Variants in RBL2 observed in about 807,000 individuals in gnomAD.
RBL2 encodes the protein retinoblastoma-like protein 2.
Under a neutral mutation model 126.0 loss-of-function variants are expected in RBL2, and 56 were observed. The ratio of observed to expected loss-of-function variants is 0.44; its 90% CI spans 0.36 to 0.56. RBL2 has a LOEUF of 0.56. RBL2 is among the 20% of genes least tolerant of loss of function. RBL2 has a pLI of 0.00. For missense variants in RBL2, 1,229 were observed against 1,398.2 expected (o/e 0.88, Z 1.93); for synonymous variants, 454 against 478.5 (o/e 0.95, Z 0.67).
At position 53,484,519 on chromosome 16, in the gene RBL2, G is replaced by C. The variant is rs1046617641; in HGVS notation, c.3249+2684G>C. On this transcript the variant is annotated intron_variant, in intron 21 of 21. Coordinates refer to ENST00000262133, the MANE Select transcript of RBL2 (RefSeq NM_005611.4). ...TTTACTTGGCAATAAAAAGGATGAA[G>C]TACTGATACATGCTACAATATGAAT... Among the ~76,000 whole-genome samples, 14 of 152,280 alleles carry C rather than the reference G, an allele frequency of 9.2e-5. 1 individual carries two copies. The highest frequency in any genetic ancestry group is 6.2e-4 in the South Asian group (3 of 4,824).
chr16:53,479,673 G>T, intron 18 of RBL2: 1 of 514,100 alleles, frequency 1.9e-6, no homozygotes, highest in East Asian at 3.3e-5. Context: ...CTGCAGTGTA[G>T]TACTGCAGGT....
intron 21 of RBL2, among the ~76,000 whole-genome samples, chr16:53,485,715 G>A (rs1298487520): frequency 2.0e-5 from 3 of 152,022 alleles, no homozygotes; most frequent in East Asian, 3.9e-4. Flanking sequence ...ATTTAACTGG[G>A]TGTGGTGCTG....
At chr16:53,463,746 T>C (rs985656408) in intron 11 of RBL2, among the ~76,000 whole-genome samples, 8 of 151,516 alleles carry the variant, frequency 5.3e-5, no homozygotes, top group African/African-American at 1.9e-4. Flanking sequence ...TTTCTATTTT[T>C]AGTAGAGATG....
chr16:53,481,154 G>C (rs546530621), intron 20 of RBL2: 1 of 176,574 alleles, frequency 5.7e-6, no homozygotes, highest in East Asian at 1.7e-4. Context: ...ACAAGACTCT[G>C]TCTCATAAAT....
At chr16:53,476,556 C>T (rs569333458) in intron 17 of RBL2, among the ~76,000 whole-genome samples, 2 of 152,308 alleles carry the variant, frequency 1.3e-5, no homozygotes, top group Non-Finnish European at 1.5e-5. Context: ...CTGCCTAGAT[C>T]ATCTCTCCAT....
chr16:53,435,741 C>G, intron 1 of RBL2: 2 of 1,287,062 alleles, frequency 1.6e-6, no homozygotes, highest in Non-Finnish European at 2.0e-6. Flanking sequence ...AAAGCCTAAC[C>G]AAGGTATTAT....
intron 14 of RBL2, among the ~76,000 whole-genome samples, chr16:53,467,796 A>G (rs183003418): frequency 5.9e-5 from 9 of 152,360 alleles, no homozygotes; most frequent in Admixed American, 2.0e-4. Context: ...TTGTTGGGTG[A>G]TAGAATTCCT....
In RBL2 at chr16:53,465,541, C is replaced by T. The variant is rs754740684; in HGVS notation, c.1802C>T (p.Pro601Leu). 6.2e-7 allele frequency: 1 copy of T among 1,605,218 alleles called. No homozygotes were observed. The highest frequency in any genetic ancestry group is 1.1e-5 in the South Asian group (1 of 89,322). The change falls in exon 13 of 22, where the codon CCA (proline) becomes CTA (leucine). Residue 601 changes from proline to leucine, a missense_variant. Pro to Leu is a moderately conservative substitution (Grantham distance 98). Coordinates refer to ENST00000262133, the MANE Select transcript of RBL2 (RefSeq NM_005611.4). The part of the protein sequence containing the change: ...EQILDHLAWK[P>L]ESPLWEKIRD... ...ATCTTAGATCATTTGGCATGGAAACCAGAGTCTCCACTCTGGGAAAAAATT... is the reference window on the plus strand; with the variant it reads ...ATCTTAGATCATTTGGCATGGAAACTAGAGTCTCCACTCTGGGAAAAAATT...
At chr16:53,461,608 A>C in intron 9 of RBL2, 133 bp from the exon 10 acceptor site, 1 of 498,692 alleles carries the variant, frequency 2.0e-6, no homozygotes, top group South Asian at 4.3e-5. Flanking sequence ...GATCTCTTGG[A>C]TTAATTTGGG....
rs368471114 is a variant in RBL2 at position 53,470,773 on chromosome 16, C to T, written c.2554C>T (p.Arg852Trp). 21 of 1,613,988 alleles carry T rather than the reference C, an allele frequency of 1.3e-5. No homozygotes were observed. The highest frequency in any genetic ancestry group is 8.0e-5 in the African/African-American group (6 of 74,922). Residue 852 changes from arginine to tryptophan, a missense_variant, in exon 17 of 22, where the codon CGG becomes TGG. By Grantham distance (101) the Arg-to-Trp change is moderately radical (BLOSUM62 -3). Transcript: ENST00000262133. Reference protein sequence around the residue: ...KVYHLAAVRLRDLCAKLDISD... With the variant: ...KVYHLAAVRLWDLCAKLDISD... ...ATACCATTTAGCAGCTGTCCGCCTT[C>T]GGGATCTCTGTGCCAAACTAGATAT...
intron 12 of RBL2, 114 bp downstream of exon 12, chr16:53,464,477 T>C: frequency 1.1e-6 from 1 of 913,794 alleles, no homozygotes; most frequent in Non-Finnish European, 1.6e-6. Flanking sequence ...TTTATTTACA[T>C]AGTTAATCTC....
At position 53,490,686 on chromosome 16, in the gene RBL2, C is replaced by G. The variant is rs756213237; in HGVS notation, c.*386C>G. 8.6e-5 allele frequency: 14 copies of G among 162,552 alleles called. No individual in the cohort carries two copies. The highest frequency in any genetic ancestry group is 1.7e-4 in the Non-Finnish European group (13 of 75,146). 10.1% of individuals were successfully genotyped at this position (162,552 alleles called of 1,614,324 possible). Reference sequence around the variant, plus strand: ...AGTTCAATCCTACCTGTTTTGTGGTCAGCTGTAGTCCTCATAAAAAGCAAA... The same window carrying G: ...AGTTCAATCCTACCTGTTTTGTGGTGAGCTGTAGTCCTCATAAAAAGCAAA... On this transcript the variant is annotated 3_prime_UTR_variant, in exon 22 of 22. Coordinates refer to ENST00000262133, the MANE Select transcript of RBL2 (RefSeq NM_005611.4).
chr16:53,472,835 C>T (rs375393482), intron 17 of RBL2, among the ~76,000 whole-genome samples: 1 of 152,086 alleles, frequency 6.6e-6, no homozygotes, highest in African/African-American at 2.4e-5. Flanking sequence ...ATAGTTTTAT[C>T]TCATAGTTAG....
In RBL2 at chr16:53,462,617, G is replaced by A. The variant is rs1284246069; in HGVS notation, c.1522G>A (p.Glu508Lys). 6.4e-7 allele frequency: 1 copy of A among 1,572,302 alleles called. No homozygotes were observed. The highest frequency in any genetic ancestry group is 1.4e-5 in the African/African-American group (1 of 71,612). The change falls in exon 11 of 22, where the codon GAG becomes AAG. Residue 508 changes from glutamate to lysine, a missense_variant. Glu to Lys is a moderately conservative substitution (Grantham distance 56). Around this residue, in one of 2 missense-constraint regions of RBL2, gnomAD observed 1,070 missense variants for 1,274.3 expected, o/e 0.84. Coordinates refer to ENST00000262133, the MANE Select transcript of RBL2 (RefSeq NM_005611.4). ...CTATAAAGTATTAGAATCTGTTATT[G>A]AGCAGGAACAAAAAAGACTAGGAGA... ...LYYKVLESVI[E>K]QEQKRLGDMD... is the part of the protein sequence containing the mutation.
chr16:53,441,441 G>C (rs1312892936), intron 2 of RBL2, among the ~76,000 whole-genome samples: 1 of 152,156 alleles, frequency 6.6e-6, no homozygotes, highest in East Asian at 1.9e-4. Flanking sequence ...AACATGTTTT[G>C]TTATCATGGA....
intron 14 of RBL2, 34 bp downstream of exon 14, chr16:53,467,203 C>G: frequency 1.3e-6 from 2 of 1,528,886 alleles, no homozygotes; most frequent in Non-Finnish European, 9.0e-7. Context: ...TATTTTGGGG[C>G]TTACTATCTG....
chr16:53,459,782 G>C (rs1394852817), intron 9 of RBL2, among the ~76,000 whole-genome samples, 165 bp downstream of exon 9: 1 of 152,184 alleles, frequency 6.6e-6, no homozygotes, highest in African/African-American at 2.4e-5. Flanking sequence ...AGATGTATAA[G>C]TGGAAGATCT....
chr16:53,481,833 A>G lies in RBL2; in HGVS notation c.3247A>G (p.Lys1083Glu). The change falls in exon 21 of 22, where the codon AAG becomes GAG. Residue 1083 changes from lysine (K) to glutamate (E), a missense_variant and splice_region_variant. Around this residue, in one of 2 missense-constraint regions of RBL2, gnomAD observed 1,070 missense variants for 1,274.3 expected, o/e 0.84. Coordinates refer to ENST00000262133, the MANE Select transcript of RBL2 (RefSeq NM_005611.4). ...CTATTACTTCAGCAACAGTCCTTCAAAGGTGAGCCTAACATCAATCTTGGC... is the reference window on the plus strand; with the variant it reads ...CTATTACTTCAGCAACAGTCCTTCAGAGGTGAGCCTAACATCAATCTTGGC... ...IFYYFSNSPS[K>E]RLREINSMIR... 6.4e-7 allele frequency: 1 copy of G among 1,574,740 alleles called. No homozygotes were observed. The highest frequency in any genetic ancestry group is 8.7e-7 in the Non-Finnish European group (1 of 1,144,320).
intron 17 of RBL2, among the ~76,000 whole-genome samples, chr16:53,478,366 T>C (rs751340497): frequency 2.6e-5 from 4 of 152,138 alleles, no homozygotes; most frequent in African/African-American, 7.2e-5. Flanking sequence ...TTAATAAATT[T>C]GGGAAGTTTT....
Sources: allele counts gnomAD v4.1 joint callset (sites outside exome capture counted in the v4.1 genomes callset), GRCh38; gene constraint gnomAD v4.1.1; regional missense constraint gnomAD v4.1.1; transcripts MANE v1.5; gene names NCBI Gene and HGNC (gene_info 2026-07-23, HGNC 2026-07-21).